C1orf159: variants seen among roughly 807,000 people sequenced by gnomAD.
The protein encoded by C1orf159 is chromosome 1 open reading frame 159.
C1orf159 carries 19 observed loss-of-function variants against 25.6 expected under a neutral mutation model. That is an observed-to-expected ratio of 0.74 (90% confidence interval 0.52 to 1.09). The LOEUF (loss-of-function observed/expected upper bound fraction) is 1.09. Ranked by LOEUF, C1orf159 falls within the 50% of genes least tolerant of loss-of-function variation. C1orf159 has a pLI of 0.00. For missense variants in C1orf159, 274 were observed against 290.6 expected (o/e 0.94, Z 0.42); for synonymous variants, 139 against 124.7 (o/e 1.12, Z -0.77).
At chr1:1,101,441 C>T (rs554275221) in intron 1 of C1orf159, among the ~76,000 whole-genome samples, 21 of 152,242 alleles carry the variant, frequency 1.4e-4, no homozygotes, top group African/African-American at 4.8e-4. Context: ...TGAGACTGTA[C>T]CACTGCACTC....
In C1orf159 at chr1:1,090,532, C is replaced by T. The variant is rs377138852; in HGVS notation, c.73-104G>A. ...TGCCGTGGGAGCACATCTCAATGTC[C>T]GCAGCTCCGGCCTCTTCTGGAGTCA... On this transcript the variant is annotated intron_variant, in intron 3 of 9. Coordinates refer to ENST00000421241, the MANE Select transcript of C1orf159 (RefSeq NM_017891.5). 146 of 1,204,186 alleles carry T rather than the reference C, an allele frequency of 1.2e-4. 1 individual carries two copies. The highest frequency in any genetic ancestry group is 5.7e-4 in the South Asian group (43 of 75,328). The allele number at this position is 1,204,186 out of a possible 1,614,324, so 74.6% of individuals were successfully genotyped here.
intron 1 of C1orf159, among the ~76,000 whole-genome samples, chr1:1,093,474 C>T (rs1157403983): frequency 6.6e-6 from 1 of 152,228 alleles, no homozygotes; most frequent in Non-Finnish European, 1.5e-5. Flanking sequence ...GGACGGTGCC[C>T]GGTCCCACAC....
chr1:1,101,769 T>G (rs1646103443), intron 1 of C1orf159, among the ~76,000 whole-genome samples: 4 of 152,106 alleles, frequency 2.6e-5, no homozygotes, highest in Admixed American at 2.6e-4. Context: ...AAAGTTAATC[T>G]TTAGTTTTTA....
At chr1:1,096,424 TC>T (rs1646010307) in intron 1 of C1orf159, among the ~76,000 whole-genome samples, 1 of 152,180 alleles carries the variant, frequency 6.6e-6, no homozygotes, top group South Asian at 2.1e-4. Flanking sequence ...TGCCTCAGCC[TC>T]CCAAAGTGCT....
At chr1:1,097,958 T>A (rs1646032454) in intron 1 of C1orf159, among the ~76,000 whole-genome samples, 1 of 152,228 alleles carries the variant, frequency 6.6e-6, no homozygotes, top group African/African-American at 2.4e-5. Context: ...ACGCACTTAG[T>A]TACAGAGTTC....
At position 1,110,158 on chromosome 1, in the gene C1orf159, C is replaced by T. The variant is rs11811175; in HGVS notation, c.-136+5902G>A. Among the ~76,000 whole-genome samples the T allele has an allele frequency of 9.1e-3, 1,380 of 152,286 alleles. 19 individuals are homozygous for T. The highest frequency in any genetic ancestry group is 0.029 in the African/African-American group (1,214 of 41,544). On this transcript the variant is annotated intron_variant, in intron 1 of 9. Transcript: ENST00000421241. This position sits in a 1 kb window ranked among gnomAD's most constrained non-coding sequence, Gnocchi z 4.8. ...TTATTGCCGCAGAGTCTGTCAGTCT[C>T]GTGATCTCCACTTTAACACTAATGT...
At chr1:1,090,205 A>C in intron 4 of C1orf159, 148 bp downstream of exon 4, 2 of 814,670 alleles carry the variant, frequency 2.5e-6, no homozygotes, top group Admixed American at 4.9e-5. Context: ...TCCTTCCCCA[A>C]GCTCCACAGC....
chr1:1,094,932 G>A (rs1645989596), intron 1 of C1orf159, among the ~76,000 whole-genome samples: 1 of 152,172 alleles, frequency 6.6e-6, no homozygotes, highest in African/African-American at 2.4e-5. Flanking sequence ...TGAAATGCAG[G>A]TCAAGCGTCA....
At chr1:1,090,294 A>C in intron 4 of C1orf159, 59 bp downstream of exon 4, 1 of 1,437,334 alleles carries the variant, frequency 7.0e-7, no homozygotes, top group South Asian at 1.2e-5. Flanking sequence ...GGCCCTGGGC[A>C]CACACACACC....
intron 1 of C1orf159, among the ~76,000 whole-genome samples, chr1:1,094,697 G>A (rs1645986615): frequency 6.6e-6 from 1 of 152,176 alleles, no homozygotes; most frequent in African/African-American, 2.4e-5. Context: ...ACCTTGCCCG[G>A]CCCCCGTCTT....
At chr1:1,091,643 G>A in intron 2 of C1orf159, 78 bp from the exon 3 acceptor site, 1 of 1,052,270 alleles carries the variant, frequency 9.5e-7, no homozygotes. Flanking sequence ...AATGAAAGTG[G>A]GGTCAAGAGA....
rs138480522 is a variant in C1orf159, at chr1:1,087,927, C to T, written c.149-330G>A. Among the ~76,000 whole-genome samples, 25 of 150,966 alleles carry T rather than the reference C, an allele frequency of 1.7e-4. No individual in the cohort carries two copies. The highest frequency in any genetic ancestry group is 2.0e-4 in the East Asian group (1 of 5,116). On this transcript the variant is annotated intron_variant, in intron 4 of 9. Coordinates refer to ENST00000421241, the MANE Select transcript of C1orf159 (RefSeq NM_017891.5). This position sits in a 1 kb window ranked among gnomAD's most constrained non-coding sequence, Gnocchi z 8.3. ...GAGCACCCCAGCCCCGAGTACTCCA[C>T]GCTGCACTCCACGCCGAGCACCCCG...
intron 7 of C1orf159, chr1:1,085,115 C>T (rs948266739): frequency 1.1e-5 from 3 of 272,270 alleles, no homozygotes; most frequent in East Asian, 1.2e-4. Context: ...AGCGGGCTCC[C>T]GACTGGAGGC....
At chr1:1,112,087 C>T (rs751873163) in intron 1 of C1orf159, among the ~76,000 whole-genome samples, 1 of 152,158 alleles carries the variant, frequency 6.6e-6, no homozygotes, top group Non-Finnish European at 1.5e-5. Flanking sequence ...TCGGGCCCAT[C>T]CCCCCACCGG....
intron 1 of C1orf159, among the ~76,000 whole-genome samples, chr1:1,098,666 T>C (rs1646044287): frequency 6.6e-6 from 1 of 152,228 alleles, no homozygotes; most frequent in Non-Finnish European, 1.5e-5. Flanking sequence ...TTGCCCAGGC[T>C]GGGGTGCAGT....
rs764850847 is a variant in C1orf159 at position 1,082,862 on chromosome 1, C to G, written c.*31G>C. On this transcript the variant is annotated 3_prime_UTR_variant, in exon 10 of 10. Coordinates refer to ENST00000421241, the MANE Select transcript of C1orf159 (RefSeq NM_017891.5). ...GGGGTCGGCCTCCGGGTCCCTGCCG[C>G]CAAGTGCGTGGCGTGGTCTCGGCCT... 2.6e-5 allele frequency: 41 copies of G among 1,552,046 alleles called. No homozygotes were observed. In the Admixed American group the frequency reaches 7.7e-4, roughly 29 times the overall value.
intron 4 of C1orf159, among the ~76,000 whole-genome samples, chr1:1,088,208 C>CA (rs1199134460): frequency 1.0e-5 from 1 of 96,280 alleles, no homozygotes; most frequent in Admixed American, 9.4e-5. Flanking sequence ...GGACCCCCCC[C>CA]CCATGGCCTC....
chr1:1,098,246 C>G (rs6604965), intron 1 of C1orf159, among the ~76,000 whole-genome samples: 36,622 of 151,734 alleles, frequency 0.24, 5,263 homozygotes, highest in African/African-American at 0.41. Context: ...ATTTTTTAAA[C>G]TTTTAGTAGA....
At chr1:1,108,885 G>A (rs1441745416) in intron 1 of C1orf159, among the ~76,000 whole-genome samples, 1 of 96,964 alleles carries the variant, frequency 1.0e-5, no homozygotes, top group African/African-American at 6.3e-5. Context: ...CAGCAGCACC[G>A]TCCACCACAG....
Sources: gnomAD v4.1 joint callset for allele counts (sites outside exome capture counted in the v4.1 genomes callset) on GRCh38, gnomAD v4.1.1 for gene constraint, Gnocchi (gnomAD v3.1) non-coding constraint, MANE v1.5 for transcripts, NCBI Gene and HGNC (gene_info 2026-07-23, HGNC 2026-07-21) for gene names.